The following FOXK2 variants were observed in gnomAD, a reference collection of about 807,000 sequenced individuals.
FOXK2 encodes forkhead box K2, also known as forkhead box protein K2.
A neutral mutation model predicts 53.3 loss-of-function variants in FOXK2; 24 were observed. The ratio of observed to expected loss-of-function variants is 0.45; its 90% CI spans 0.33 to 0.63. The LOEUF (loss-of-function observed/expected upper bound fraction) is 0.63, where lower values mean the gene tolerates loss of function less well. Among genes scored for constraint, FOXK2 ranks in the 30% least tolerant of loss-of-function variants. The pLI, the probability that FOXK2 is intolerant of heterozygous loss-of-function variation, is 0.03. For missense variants in FOXK2, 952 were observed against 910.5 expected, an observed-to-expected ratio of 1.05 and a Z score of -0.59; for synonymous variants, 505 against 407.1, an observed-to-expected ratio of 1.24 and a Z score of -2.89.
chr17:82,593,705 T>C, intron 8 of FOXK2: 1 of 152,566 alleles, frequency 6.6e-6, no homozygotes. Context: ...CGCCAGGTGC[T>C]CACGCGTGCC....
At chr17:82,587,367 A>C in intron 8 of FOXK2, 95 bp downstream of exon 8, 1 of 949,624 alleles carries the variant, frequency 1.1e-6, no homozygotes, top group African/African-American at 1.6e-5. Context: ...TAACAATTTT[A>C]GCTTTTGTCT....
At chr17:82,535,200 T>G (rs2144059899) in intron 1 of FOXK2, among the ~76,000 whole-genome samples, 1 of 152,326 alleles carries the variant, frequency 6.6e-6, no homozygotes, top group East Asian at 1.9e-4. Flanking sequence ...TGATTTCTGA[T>G]GAGAAGTCAG....
In FOXK2 at chr17:82,563,386, A is replaced by G; in HGVS notation, c.452A>G (p.Lys151Arg). 6.2e-7 allele frequency: 1 copy of G among 1,613,964 alleles called. No individual in the cohort carries two copies. The highest frequency in any genetic ancestry group is 8.5e-7 in the Non-Finnish European group (1 of 1,179,968). Residue 151 changes from lysine to arginine, a missense_variant, in exon 2 of 9, where the codon AAG (lysine) becomes AGG (arginine). By Grantham distance (26) the Lys-to-Arg change is conservative. Transcript: ENST00000335255. ...CTFRFPSTNIKITFTALSSEK... is the reference protein window; with the variant it reads ...CTFRFPSTNIRITFTALSSEK... ...TTCAGGTTCCCGAGCACAAACATCAAGATAACGTTCACTGCCCTGTCCAGC... is the reference window on the plus strand; with the variant it reads ...TTCAGGTTCCCGAGCACAAACATCAGGATAACGTTCACTGCCCTGTCCAGC...
At chr17:82,594,948 G>T (rs939580575) in intron 8 of FOXK2, among the ~76,000 whole-genome samples, 1 of 152,202 alleles carries the variant, frequency 6.6e-6, no homozygotes, top group Non-Finnish European at 1.5e-5. Context: ...GCTAAGGCAG[G>T]GAGATCGTTT....
chr17:82,592,056 A>G (rs1287384510), intron 8 of FOXK2, among the ~76,000 whole-genome samples: 1 of 152,206 alleles, frequency 6.6e-6, no homozygotes, highest in Non-Finnish European at 1.5e-5. Context: ...GGTGTGCAGC[A>G]CCACATCCAG....
At chr17:82,588,899 A>C (rs543127072) in intron 8 of FOXK2, among the ~76,000 whole-genome samples, 2,814 of 151,314 alleles carry the variant, frequency 0.019, 53 homozygotes, top group Middle Eastern at 0.051. Flanking sequence ...AAAAAAAAAA[A>C]AAAAAACAAA....
chr17:82,568,090 G>C lies in FOXK2; in HGVS notation c.651G>C (p.Ala217=), dbSNP rs778588122. 4 of 1,612,018 alleles carry C rather than the reference G, an allele frequency of 2.5e-6. No individual in the cohort carries two copies. In the Admixed American group the frequency reaches 5.1e-5, roughly 20 times the overall value. The change falls in exon 3 of 9, where the codon GCG becomes GCC. Residue 217 remains alanine, a synonymous_variant. Transcript: ENST00000335255. ...ANSCPSSPRG[A]GSSGYKVGRV... ...CCTGCCCCTCCAGCCCCCGGGGAGCGGGGTCTTCAGGGTACAAGGTGGGCC... is the reference window on the plus strand; with the variant it reads ...CCTGCCCCTCCAGCCCCCGGGGAGCCGGGTCTTCAGGGTACAAGGTGGGCC...
chr17:82,534,512 G>A (rs2044502263), intron 1 of FOXK2, among the ~76,000 whole-genome samples: 1 of 152,192 alleles, frequency 6.6e-6, no homozygotes. Context: ...CTGGCTCTAG[G>A]TCGTCATGCC....
chr17:82,530,709 C>T (rs2044465710), intron 1 of FOXK2, among the ~76,000 whole-genome samples: 1 of 151,998 alleles, frequency 6.6e-6, no homozygotes, highest in South Asian at 2.1e-4. Context: ...GGGGTTTCAC[C>T]ATGTGGGCCA....
chr17:82,566,136 CG>C (rs1420375326), intron 2 of FOXK2, among the ~76,000 whole-genome samples: 1 of 151,778 alleles, frequency 6.6e-6, no homozygotes, highest in Non-Finnish European at 1.5e-5. Context: ...CATTCTGGAG[CG>C]GGGTGGTGTG....
intron 5 of FOXK2, 35 bp from the exon 6 acceptor site, chr17:82,583,978 T>G (rs1205280638): frequency 6.4e-7 from 1 of 1,558,944 alleles, no homozygotes; most frequent in Admixed American, 1.9e-5. Context: ...GTGCGTCAGC[T>G]GTAACCATGC....
chr17:82,585,574 A>G (rs2143111905), intron 6 of FOXK2, among the ~76,000 whole-genome samples: 2 of 152,240 alleles, frequency 1.3e-5, no homozygotes, highest in Middle Eastern at 6.8e-3. Flanking sequence ...TGCTGGGATT[A>G]CAGGCGTGAG....
intron 8 of FOXK2, 34 bp from the exon 9 acceptor site, chr17:82,601,269 A>G: frequency 6.3e-7 from 1 of 1,594,834 alleles, no homozygotes; most frequent in Non-Finnish European, 8.6e-7. Flanking sequence ...TTCACGTGAG[A>G]GCGTGGGGTT....
At chr17:82,529,295 T>C (rs931120603) in intron 1 of FOXK2, among the ~76,000 whole-genome samples, 1 of 145,498 alleles carries the variant, frequency 6.9e-6, no homozygotes, top group African/African-American at 2.6e-5. Context: ...TGATCTTGGC[T>C]CATTGCAGTG....
At chr17:82,566,750 G>A (rs1260037395) in intron 2 of FOXK2, among the ~76,000 whole-genome samples, 4 of 152,116 alleles carry the variant, frequency 2.6e-5, no homozygotes, top group Admixed American at 6.6e-5. Flanking sequence ...TTCATCCTGC[G>A]TTTCCTTGCT....
chr17:82,538,807 CAG>C (rs2044545876), intron 1 of FOXK2, among the ~76,000 whole-genome samples: 1 of 152,182 alleles, frequency 6.6e-6, no homozygotes, highest in South Asian at 2.1e-4. Context: ...AGGCCCAGCC[CAG>C]AGAAGGGACT....
intron 1 of FOXK2, 27 bp downstream of exon 1, chr17:82,520,334 G>C: frequency 4.8e-6 from 6 of 1,245,496 alleles, no homozygotes; most frequent in Middle Eastern, 3.1e-4. Flanking sequence ...CGGGGCGGGC[G>C]GGGTCTGCGG....
chr17:82,571,849 G>A lies in FOXK2; in HGVS notation c.888G>A (p.Arg296=). 1 of 1,581,246 alleles carries A rather than the reference G, an allele frequency of 6.3e-7. No individual in the cohort carries two copies. The highest frequency in any genetic ancestry group is 8.6e-7 in the Non-Finnish European group (1 of 1,168,004). Residue 296 remains arginine, a synonymous_variant, in exon 4 of 9, where the codon AGG becomes AGA. Coordinates refer to ENST00000335255, the MANE Select transcript of FOXK2 (RefSeq NM_004514.4). The part of the protein sequence containing the change: ...THITKNYPYY[R]TADKGWQNSI... ...TCACTAAAAATTATCCCTACTACAG[G>A]ACTGCGGACAAGGGCTGGCAGGTAA...
intron 7 of FOXK2, among the ~76,000 whole-genome samples, chr17:82,586,713 C>G (rs534688468): frequency 7.2e-5 from 11 of 152,034 alleles, no homozygotes; most frequent in Non-Finnish European, 1.3e-4. Flanking sequence ...ACCAGCCTGA[C>G]CAACACGGAG....
Sources: gnomAD v4.1 joint callset for allele counts (sites outside exome capture counted in the v4.1 genomes callset) on GRCh38, gnomAD v4.1.1 for gene constraint, MANE v1.5 for transcripts, NCBI Gene and HGNC (gene_info 2026-07-23, HGNC 2026-07-21) for gene names.